Variants in MAP4K4 observed in about 807,000 individuals in gnomAD.
MAP4K4 encodes HPK/GCK-like kinase HGK.
Under a neutral mutation model 189.6 loss-of-function variants are expected in MAP4K4, and 38 were observed. That is an observed-to-expected ratio of 0.20 (90% confidence interval 0.15 to 0.26). The LOEUF is 0.26. Among genes scored for constraint, MAP4K4 ranks in the 10% least tolerant of loss-of-function variants. MAP4K4 has a pLI of 1.00. For synonymous variants in MAP4K4, 610 were observed against 624.3 expected, an observed-to-expected ratio of 0.98 and a Z score of 0.34; for missense variants, 1,054 against 1,726.9, an observed-to-expected ratio of 0.61 and a Z score of 6.91.
intron 2 of MAP4K4, among the ~76,000 whole-genome samples, chr2:101,720,765 T>C (rs2051417073): frequency 6.6e-6 from 1 of 152,250 alleles, no homozygotes; most frequent in Non-Finnish European, 1.5e-5. Flanking sequence ...AAGTAATCTT[T>C]TGTTACTGTT....
At position 101,824,103 on chromosome 2, in the gene MAP4K4, G is replaced by GT. The variant is rs772271536; in HGVS notation, c.306+51dup. On this transcript the variant is annotated intron_variant, in intron 4 of 32. Coordinates refer to ENST00000324219, the Ensembl canonical transcript of MAP4K4. Reference sequence around the variant, plus strand: ...TGTGGGCATTCCATTTGCTTGAATTGTAAGGGCATGGCGGGGGTGGGGGCG... The same window carrying GT: ...TGTGGGCATTCCATTTGCTTGAATTGTTAAGGGCATGGCGGGGGTGGGGGCG... 1.6e-3 allele frequency: 862 copies of GT among 539,900 alleles called. 2 individuals carry two copies. Among genetic ancestry groups the GT allele is most frequent in the Non-Finnish European group, 2.1e-3 (806 of 382,796 alleles). 33.4% of individuals were successfully genotyped at this position (539,900 alleles called of 1,614,324 possible).
At chr2:101,697,769 C>T (rs1352726576) in exon 1 of MAP4K4, 1 of 146,142 alleles carries the variant, frequency 6.8e-6, no homozygotes, top group African/African-American at 2.5e-5. Context: ...GCGCGCGGCG[C>T]GGGGCGCGGG....
chr2:101,792,878 C>T (rs964069281), intron 3 of MAP4K4, among the ~76,000 whole-genome samples: 7 of 152,160 alleles, frequency 4.6e-5, no homozygotes, highest in Non-Finnish European at 1.0e-4. Flanking sequence ...AAGCAATTCA[C>T]CCGCCTCAGC....
chr2:101,836,058 A>G (rs2096740727), intron 9 of MAP4K4, 80 bp downstream of exon 9: 1 of 1,087,640 alleles, frequency 9.2e-7, no homozygotes, highest in Non-Finnish European at 1.4e-6. Context: ...CCTCTGAGAT[A>G]AAATTCTGGC....
intron 10 of MAP4K4, 115 bp downstream of exon 10, chr2:101,840,109 A>G: frequency 2.0e-6 from 2 of 1,006,050 alleles, no homozygotes; most frequent in African/African-American, 1.6e-5. Context: ...CAGTGCTTGC[A>G]TGGTTTCTCT....
At position 101,883,032 on chromosome 2, in the gene MAP4K4, C is replaced by T. The variant is rs143119302; in HGVS notation, c.3520+347C>T. Among the ~76,000 whole-genome samples, 579 of 152,312 alleles carry T rather than the reference C, an allele frequency of 3.8e-3. 2 individuals carry two copies. Among genetic ancestry groups the T allele is most frequent in the Admixed American group, 7.1e-3 (109 of 15,296 alleles). The stretch of plus-strand genomic sequence containing the variant: ...TCTGTAAGATGTGGTTCACAGTAAC[C>T]TCTTTAAGGAAATCTTGTCAGTGGA... On this transcript the variant is annotated intron_variant, in intron 28 of 32. Transcript: ENST00000324219.
At chr2:101,885,882 T>C (rs553242334) in intron 29 of MAP4K4, among the ~76,000 whole-genome samples, 2 of 152,352 alleles carry the variant, frequency 1.3e-5, no homozygotes, top group African/African-American at 4.8e-5. Context: ...GTACTTAGTC[T>C]TAAAATTAGG....
chr2:101,713,438 CA>C (rs1400859150), intron 2 of MAP4K4, among the ~76,000 whole-genome samples: 1 of 150,496 alleles, frequency 6.6e-6, no homozygotes, highest in Non-Finnish European at 1.5e-5. Flanking sequence ...ACTAAAAGTA[CA>C]AAAAAAATGA....
chr2:101,744,408 CAT>C (rs1186570948), intron 2 of MAP4K4, among the ~76,000 whole-genome samples: 1 of 152,202 alleles, frequency 6.6e-6, no homozygotes, highest in Non-Finnish European at 1.5e-5. Context: ...CCACTAGCCA[CAT>C]GTGGCTTAAT....
chr2:101,770,261 T>G (rs1250354406), intron 2 of MAP4K4, among the ~76,000 whole-genome samples: 1 of 147,582 alleles, frequency 6.8e-6, no homozygotes, highest in Non-Finnish European at 1.5e-5. Flanking sequence ...TTTTTTTTTT[T>G]TTTTGAGACG....
At chr2:101,740,368 A>T (rs2062155720) in intron 2 of MAP4K4, among the ~76,000 whole-genome samples, 1 of 103,962 alleles carries the variant, frequency 9.6e-6, no homozygotes, top group Non-Finnish European at 1.6e-5. Flanking sequence ...TTTAGCCGGG[A>T]TGGTCTCGAT....
chr2:101,827,077 C>G (rs970486131), intron 5 of MAP4K4, among the ~76,000 whole-genome samples: 20 of 152,144 alleles, frequency 1.3e-4, no homozygotes, highest in African/African-American at 4.6e-4. Context: ...TATACCCAGG[C>G]AAGCATTGTT....
At chr2:101,892,893 G>A (rs1329671899) in exon 33 of MAP4K4, 4 of 456,282 alleles carry the variant, frequency 8.8e-6, no homozygotes, top group African/African-American at 2.0e-5. Context: ...TCACAGTCCT[G>A]CCATCTTACT....
At chr2:101,846,482 T>A (rs1282265365) in intron 12 of MAP4K4, among the ~76,000 whole-genome samples, 1 of 152,186 alleles carries the variant, frequency 6.6e-6, no homozygotes, top group South Asian at 2.1e-4. Flanking sequence ...GCACTGGAAA[T>A]GTCTTTCAGG....
chr2:101,752,699 G>A (rs1028989641), intron 2 of MAP4K4, among the ~76,000 whole-genome samples: 4 of 152,154 alleles, frequency 2.6e-5, no homozygotes, highest in Non-Finnish European at 5.9e-5. Flanking sequence ...AAAAACCGAA[G>A]GCTTAGCAAG....
rs566439691 is a variant in MAP4K4, at chr2:101,834,262, G to A, written c.640-147G>A. 19 of 386,516 alleles carry A rather than the reference G, an allele frequency of 4.9e-5. 1 individual carries two copies. The highest frequency in any genetic ancestry group is 1.1e-4 in the Admixed American group (4 of 36,236). The allele number at this position is 386,516 out of a possible 1,614,324, so 23.9% of individuals were successfully genotyped here. Reference sequence around the variant, plus strand: ...CCTCCCCTCCCCTCCCCTCCGCTCCGTAAGTTCTACAAATGTGCTTGTACT... The same window carrying A: ...CCTCCCCTCCCCTCCCCTCCGCTCCATAAGTTCTACAAATGTGCTTGTACT... On this transcript the variant is annotated intron_variant, in intron 7 of 32. Transcript: ENST00000324219.
At chr2:101,760,074 G>C (rs2075522112) in intron 2 of MAP4K4, among the ~76,000 whole-genome samples, 2 of 152,066 alleles carry the variant, frequency 1.3e-5, no homozygotes. Context: ...CTGAACTCCT[G>C]ACCTCAGGTG....
intron 3 of MAP4K4, among the ~76,000 whole-genome samples, chr2:101,807,215 T>C (rs2095037214): frequency 6.6e-6 from 1 of 151,990 alleles, no homozygotes; most frequent in Non-Finnish European, 1.5e-5. Flanking sequence ...CACACCTGGC[T>C]AATTTTTTAT....
intron 2 of MAP4K4, among the ~76,000 whole-genome samples, chr2:101,760,503 A>AATATATAT (rs35922398): frequency 1.8e-4 from 24 of 133,110 alleles, no homozygotes; most frequent in African/African-American, 6.4e-4. Flanking sequence ...AAAAAAACAA[A>AATATATAT]ATATATATAT....
Sources: allele counts gnomAD v4.1 joint callset (sites outside exome capture counted in the v4.1 genomes callset), GRCh38; gene constraint gnomAD v4.1.1; transcripts MANE v1.5; gene names NCBI Gene and HGNC (gene_info 2026-07-23, HGNC 2026-07-21).